The following BTD variants were observed in gnomAD, a reference collection of about 807,000 sequenced individuals.
BTD encodes biocytinase.
A neutral mutation model predicts 17.7 loss-of-function variants in BTD; 13 were observed. That is an observed-to-expected ratio of 0.74 (90% CI 0.48 to 1.17). The LOEUF (loss-of-function observed/expected upper bound fraction) is 1.17. BTD is among the 50% of genes most tolerant of loss of function. The probability of loss-of-function intolerance (pLI) is 0.00; values close to 1 mark genes in which losing one functional copy is unlikely to be tolerated. For missense variants in BTD, 674 were observed against 650.4 expected, an observed-to-expected ratio of 1.04 and a Z score of -0.39; for synonymous variants, 240 against 245.2, an observed-to-expected ratio of 0.98 and a Z score of 0.20.
Position 15,642,060 on chromosome 3 carries a change from G to A in BTD, c.399+3G>A. 1 of 1,614,072 alleles carries A rather than the reference G, an allele frequency of 6.2e-7. No homozygotes were observed. The highest frequency in any genetic ancestry group is 1.1e-5 in the South Asian group (1 of 91,046). On this transcript the variant is annotated splice_donor_region_variant and intron_variant, in intron 3 of 3. Coordinates refer to ENST00000643237, the MANE Select transcript of BTD (RefSeq NM_001370658.1). Reference sequence around the variant, plus strand: ...CTCACCGCTTCAATGACACAGAGGTGATTCCTGCCTTTTTCCTCAGTAGGC... The same window carrying A: ...CTCACCGCTTCAATGACACAGAGGTAATTCCTGCCTTTTTCCTCAGTAGGC...
chr3:15,618,354 G>A (rs1181078520), intron 1 of BTD, among the ~76,000 whole-genome samples: 4 of 152,086 alleles, frequency 2.6e-5, no homozygotes, highest in Admixed American at 6.6e-5. Flanking sequence ...CAAGTTGTTC[G>A]CAAGAACTGA....
chr3:15,701,296 T>G (rs2070566108), intron 3 of BTD, among the ~76,000 whole-genome samples: 1 of 152,188 alleles, frequency 6.6e-6, no homozygotes, highest in Non-Finnish European at 1.5e-5. Context: ...TCCATTTAAG[T>G]GCAATTTTGA....
intron 1 of BTD, among the ~76,000 whole-genome samples, chr3:15,623,983 C>A (rs559827080): frequency 6.6e-6 from 1 of 152,152 alleles, no homozygotes; most frequent in Admixed American, 6.5e-5. Context: ...CTAATACAGA[C>A]GCACAATGCT....
chr3:15,694,125 T>G (rs952801568), intron 3 of BTD, among the ~76,000 whole-genome samples: 1 of 152,106 alleles, frequency 6.6e-6, no homozygotes, highest in African/African-American at 2.4e-5. Flanking sequence ...TAGATTAGGA[T>G]CTACTTGAAA....
Position 15,635,624 on chromosome 3 carries a change from C to G in BTD, c.185C>G (p.Ala62Gly). 2 of 1,614,214 alleles carry G rather than the reference C, an allele frequency of 1.2e-6. No homozygotes were observed. Among genetic ancestry groups the G allele is most frequent in the Non-Finnish European group, 1.7e-6 (2 of 1,180,046 alleles). Reference protein sequence around the residue: ...NPLALISRQEALELMNQNLDI... With the variant: ...NPLALISRQEGLELMNQNLDI... The stretch of plus-strand genomic sequence containing the variant: ...CTGGCTCTCATCAGCCGCCAAGAGG[C>G]CTTGGAGCTCATGAACCAGAACCTT... The change falls in exon 2 of 4, where the codon GCC (alanine) becomes GGC (glycine). Residue 62 changes from alanine (A) to glycine (G), a missense_variant. Physicochemically the swap from Ala to Gly is moderately conservative, Grantham distance 60. Transcript: ENST00000643237. This position sits in a 1 kb window ranked among gnomAD's most constrained non-coding sequence, Gnocchi z 4.1.
intron 1 of BTD, 189 bp downstream of exon 1, chr3:15,602,083 G>GCATTTA: frequency 1.4e-6 from 2 of 1,439,388 alleles, no homozygotes; most frequent in Non-Finnish European, 1.8e-6. Flanking sequence ...CGTTTTCTAG[G>GCATTTA]CATTTACTTA....
chr3:15,669,046 T>G (rs2066133922), intron 3 of BTD: 1 of 152,426 alleles, frequency 6.6e-6, no homozygotes, highest in Non-Finnish European at 1.5e-5. Flanking sequence ...AAGGTAGTCT[T>G]CAATTTGGCA....
chr3:15,612,948 T>A (rs1041126189), intron 1 of BTD, among the ~76,000 whole-genome samples: 1 of 152,228 alleles, frequency 6.6e-6, no homozygotes, highest in Non-Finnish European at 1.5e-5. Context: ...TTCCTTGCAG[T>A]TGTAGTATTC....
At chr3:15,717,290 T>C (rs1033299807), downstream of BTD, among the ~76,000 whole-genome samples, 9 of 152,120 alleles carry the variant, frequency 5.9e-5, no homozygotes, top group African/African-American at 1.7e-4. Context: ...GAATCCTTTA[T>C]TATAAGCCTA....
chr3:15,614,190 C>T (rs181308078), intron 1 of BTD, among the ~76,000 whole-genome samples: 2 of 151,122 alleles, frequency 1.3e-5, no homozygotes, highest in East Asian at 1.9e-4. Context: ...GTGGCACAGC[C>T]GTAGCCCACT....
At chr3:15,691,235 T>G (rs897462895) in intron 3 of BTD, among the ~76,000 whole-genome samples, 1 of 151,952 alleles carries the variant, frequency 6.6e-6, no homozygotes, top group East Asian at 1.9e-4. Context: ...GCGATTCTCC[T>G]GTCTCAGTCT....
intron 3 of BTD, among the ~76,000 whole-genome samples, chr3:15,664,546 A>G (rs775246789): frequency 6.6e-6 from 1 of 152,142 alleles, no homozygotes; most frequent in Non-Finnish European, 1.5e-5. Flanking sequence ...ACAGCCTTTA[A>G]TTTTCAGACT....
At chr3:15,633,736 T>C (rs2065273714) in intron 1 of BTD, among the ~76,000 whole-genome samples, 1 of 152,238 alleles carries the variant, frequency 6.6e-6, no homozygotes. Context: ...TTCAGAAATA[T>C]TGTCAGTATG....
At chr3:15,643,460 C>T (rs1575027139) in intron 3 of BTD, among the ~76,000 whole-genome samples, 2 of 152,056 alleles carry the variant, frequency 1.3e-5, no homozygotes, top group East Asian at 3.9e-4. Flanking sequence ...AAGATTGTGC[C>T]ACTGCACTCC....
At chr3:15,613,547 T>C (rs77942197) in intron 1 of BTD, among the ~76,000 whole-genome samples, 2 of 152,076 alleles carry the variant, frequency 1.3e-5, no homozygotes, top group East Asian at 3.9e-4. Flanking sequence ...CCTCTTCTCC[T>C]CCTTTCCTCC....
At chr3:15,705,182 C>G (rs1485200160) in intron 3 of BTD, among the ~76,000 whole-genome samples, 1 of 152,112 alleles carries the variant, frequency 6.6e-6, no homozygotes, top group Non-Finnish European at 1.5e-5. Context: ...AAAGTCATTG[C>G]TTACTTGCTC....
At chr3:15,671,586 T>TG (rs1459176446) in intron 3 of BTD, among the ~76,000 whole-genome samples, 1 of 150,734 alleles carries the variant, frequency 6.6e-6, no homozygotes, top group African/African-American at 2.5e-5. Context: ...TAGTTTTTTT[T>TG]TTGTTTTTTT....
At chr3:15,626,495 G>A (rs1018975482) in intron 1 of BTD, among the ~76,000 whole-genome samples, 6 of 152,154 alleles carry the variant, frequency 3.9e-5, no homozygotes, top group Admixed American at 1.3e-4. Flanking sequence ...AGGTAAAGCT[G>A]TAGGACAGAG....
Position 15,685,432 on chromosome 3 carries a change from T to A in BTD, c.400-24628T>A, listed in dbSNP as rs774230769. On this transcript the variant is annotated intron_variant, in intron 3 of 3. Coordinates refer to the BTD transcript ENST00000672141. ...AAGTAATGCATCTACACATTCTTCA[T>A]GGCCTGTAACTGCCTGAAAGAAAAT... The A allele has an allele frequency of 6.2e-7, 1 of 1,614,010 alleles. No individual in the cohort carries two copies. Among genetic ancestry groups the A allele is most frequent in the Admixed American group, 1.7e-5 (1 of 60,022 alleles).
Sources: gnomAD v4.1 joint callset for allele counts (sites outside exome capture counted in the v4.1 genomes callset) on GRCh38, gnomAD v4.1.1 for gene constraint, Gnocchi (gnomAD v3.1) non-coding constraint, MANE v1.5 for transcripts, NCBI Gene and HGNC (gene_info 2026-07-23, HGNC 2026-07-21) for gene names.